The following CNTN3 variants were observed in gnomAD, a reference collection of about 807,000 sequenced individuals.
CNTN3 encodes contactin 3.
CNTN3 carries 60 observed loss-of-function variants against 119.1 expected under a neutral mutation model. The observed-to-expected ratio is 0.50, with a 90% confidence interval of 0.41 to 0.62. The LOEUF is 0.62. CNTN3 is among the 20% of genes least tolerant of loss of function. The probability of loss-of-function intolerance (pLI) is 0.00; values close to 1 mark genes in which losing one functional copy is unlikely to be tolerated. For missense variants in CNTN3, 1,101 were observed against 1,242.4 expected (o/e 0.89, Z 1.71); for synonymous variants, 450 against 438.7 (o/e 1.03, Z -0.32).
intron 11 of CNTN3, among the ~76,000 whole-genome samples, chr3:74,351,120 T>C (rs1448383308): frequency 1.3e-5 from 2 of 152,142 alleles, no homozygotes; most frequent in African/African-American, 4.8e-5. Context: ...AATAAATACA[T>C]GAAAGCCATA....
intron 13 of CNTN3, among the ~76,000 whole-genome samples, chr3:74,306,859 C>G (rs1189547820): frequency 6.6e-6 from 1 of 152,038 alleles, no homozygotes; most frequent in Admixed American, 6.6e-5. Context: ...GAATACGATG[C>G]TGAAGGCAAG....
intron 13 of CNTN3, among the ~76,000 whole-genome samples, chr3:74,332,044 G>A (rs887969749): frequency 7.9e-5 from 12 of 152,134 alleles, no homozygotes; most frequent in Non-Finnish European, 5.9e-5. Flanking sequence ...TCTATAACCT[G>A]AACTACCCCT....
intron 5 of CNTN3, among the ~76,000 whole-genome samples, chr3:74,420,191 G>A (rs575845882): frequency 2.0e-5 from 3 of 152,302 alleles, no homozygotes; most frequent in African/African-American, 2.4e-5. Context: ...CTGTTGCTGC[G>A]AGGTTACAGG....
rs28447484 is a variant in CNTN3, at chr3:74,391,562, T to C, written c.455-20163A>G. ...ATTTTGTACTCCCATAGTTTCTTTT[T>C]TTTTTTTTTTTTTTTTTTTGAGACA... On this transcript the variant is annotated intron_variant, in intron 5 of 22. Coordinates refer to ENST00000263665, the MANE Select transcript of CNTN3 (RefSeq NM_020872.3). Among the ~76,000 whole-genome samples the C allele has an allele frequency of 3.4e-5, 3 of 87,022 alleles. No homozygotes were observed. In the South Asian group the frequency reaches 1.7e-3, roughly 49 times the overall value. The allele number at this position is 87,022 out of a possible 152,430, so 57.1% of individuals were successfully genotyped here.
At chr3:74,430,831 A>G (rs1701771654) in intron 4 of CNTN3, among the ~76,000 whole-genome samples, 1 of 152,138 alleles carries the variant, frequency 6.6e-6, no homozygotes, top group African/African-American at 2.4e-5. Flanking sequence ...CAAGCAAGCA[A>G]AGATAAAGTC....
intron 19 of CNTN3, among the ~76,000 whole-genome samples, chr3:74,292,812 T>C (rs1329718430): frequency 6.6e-6 from 1 of 152,190 alleles, no homozygotes; most frequent in Non-Finnish European, 1.5e-5. Context: ...GCTGTGCTCC[T>C]TCCAGCCCCT....
chr3:74,461,769 A>G (rs1702372340), intron 4 of CNTN3, among the ~76,000 whole-genome samples: 1 of 152,136 alleles, frequency 6.6e-6, no homozygotes, highest in African/African-American at 2.4e-5. Context: ...CTAGTGTTAA[A>G]TAAGTAGGAT....
chr3:74,266,810 A>T (rs1252255675), intron 21 of CNTN3, among the ~76,000 whole-genome samples, 161 bp from the exon 22 acceptor site: 1 of 152,138 alleles, frequency 6.6e-6, no homozygotes. Context: ...AGAGGTTAGC[A>T]CATGGCAGAA....
rs963252198 is a variant in CNTN3 at position 74,301,881 on chromosome 3, G to A, written c.1787-76C>T. 21 of 1,487,682 alleles carry A rather than the reference G, an allele frequency of 1.4e-5. No individual in the cohort carries two copies. In the African/African-American group the frequency reaches 2.6e-4, roughly 19 times the overall value. 92.2% of individuals were successfully genotyped at this position (1,487,682 alleles called of 1,614,324 possible). ...CCTCTCCTATCAAAGAGAAGAGAAT[G>A]TCACATGACCACTTCAATATCTCTG... On this transcript the variant is annotated intron_variant, in intron 14 of 22. Coordinates refer to ENST00000263665, the MANE Select transcript of CNTN3 (RefSeq NM_020872.3).
At chr3:74,438,891 T>G (rs1701915010) in intron 4 of CNTN3, among the ~76,000 whole-genome samples, 1 of 152,126 alleles carries the variant, frequency 6.6e-6, no homozygotes, top group African/African-American at 2.4e-5. Flanking sequence ...ATGCAATAAT[T>G]CTCCTAACTC....
chr3:74,516,858 C>T (rs1216115976), intron 2 of CNTN3, among the ~76,000 whole-genome samples: 2 of 151,936 alleles, frequency 1.3e-5, no homozygotes, highest in Non-Finnish European at 2.9e-5. Flanking sequence ...ATGTCTGGCT[C>T]CTCTAGAAAC....
intron 1 of CNTN3, among the ~76,000 whole-genome samples, chr3:74,609,378 T>G (rs1705043748): frequency 6.6e-6 from 1 of 152,222 alleles, no homozygotes; most frequent in Admixed American, 6.5e-5. Context: ...TGAGAAGTAC[T>G]TAAAACCCAG....
At chr3:74,513,575 C>G (rs1703404225) in intron 2 of CNTN3, among the ~76,000 whole-genome samples, 1 of 151,914 alleles carries the variant, frequency 6.6e-6, no homozygotes, top group Admixed American at 6.6e-5. Context: ...CCATTTCACA[C>G]CCCCATAACT....
intron 1 of CNTN3, among the ~76,000 whole-genome samples, chr3:74,537,894 C>T (rs567687558): frequency 2.2e-4 from 34 of 152,106 alleles, no homozygotes; most frequent in African/African-American, 8.2e-4. Flanking sequence ...GATGGATCTA[C>T]AAGAGATTCC....
intron 5 of CNTN3, among the ~76,000 whole-genome samples, chr3:74,395,006 C>A (rs1705010467): frequency 1.3e-5 from 2 of 151,880 alleles, no homozygotes; most frequent in Admixed American, 6.6e-5. Flanking sequence ...AGATAAAATG[C>A]AAATAATATA....
chr3:74,451,044 G>C (rs958249129), intron 4 of CNTN3, among the ~76,000 whole-genome samples: 7 of 152,070 alleles, frequency 4.6e-5, no homozygotes, highest in Non-Finnish European at 7.3e-5. Flanking sequence ...TGGGATGGCT[G>C]GGTCAAATGG....
intron 1 of CNTN3, among the ~76,000 whole-genome samples, chr3:74,571,923 AG>A (rs1164273299): frequency 9.9e-5 from 15 of 152,230 alleles, no homozygotes; most frequent in Middle Eastern, 6.8e-3. Flanking sequence ...CCTACCAGTC[AG>A]GGTATCATAT....
intron 4 of CNTN3, among the ~76,000 whole-genome samples, chr3:74,442,932 G>T (rs555566944): frequency 6.6e-6 from 1 of 152,182 alleles, no homozygotes; most frequent in Non-Finnish European, 1.5e-5. Context: ...ATACAGCATG[G>T]CTCCACAGCC....
At chr3:74,451,828 T>C (rs1267543929) in intron 4 of CNTN3, among the ~76,000 whole-genome samples, 4 of 150,270 alleles carry the variant, frequency 2.7e-5, no homozygotes, top group South Asian at 2.1e-4. Flanking sequence ...TAGTTGTAGA[T>C]ATGCGGCATT....
Sources: gnomAD v4.1 joint callset for allele counts (sites outside exome capture counted in the v4.1 genomes callset) on GRCh38, gnomAD v4.1.1 for gene constraint, MANE v1.5 for transcripts, NCBI Gene and HGNC (gene_info 2026-07-23, HGNC 2026-07-21) for gene names.